The following CLYBL variants were observed in gnomAD, a reference collection of about 807,000 sequenced individuals.
CLYBL encodes citramalyl-CoA lyase.
A neutral mutation model predicts 38.9 loss-of-function variants in CLYBL; 31 were observed. The ratio of observed to expected loss-of-function variants is 0.80; its 90% confidence interval spans 0.60 to 1.08. The LOEUF is 1.08. Ranked by LOEUF, CLYBL falls within the 50% of genes least tolerant of loss-of-function variation. The pLI is 0.00. For synonymous variants in CLYBL, 171 were observed against 158.6 expected (o/e 1.08, Z -0.59); for missense variants, 434 against 411.6 (o/e 1.05, Z -0.47).
intron 2 of CLYBL, among the ~76,000 whole-genome samples, chr13:99,800,366 C>T (rs752215095): frequency 2.0e-5 from 3 of 152,156 alleles, no homozygotes; most frequent in Non-Finnish European, 4.4e-5. Flanking sequence ...GTGAGATTGG[C>T]GCTGCTGCTG....
intron 1 of CLYBL, among the ~76,000 whole-genome samples, chr13:99,688,711 T>A (rs2047855363): frequency 6.6e-6 from 1 of 152,060 alleles, no homozygotes; most frequent in African/African-American, 2.4e-5. Context: ...TCCTTATATC[T>A]CTTCCAGCTC....
At chr13:99,661,466 C>T (rs184651357) in intron 1 of CLYBL, among the ~76,000 whole-genome samples, 22 of 152,232 alleles carry the variant, frequency 1.4e-4, no homozygotes, top group Admixed American at 4.6e-4. Context: ...TTCTGTCAGA[C>T]GAGTTATTCA....
At chr13:99,708,342 C>G (rs946008000) in intron 1 of CLYBL, among the ~76,000 whole-genome samples, 2 of 152,172 alleles carry the variant, frequency 1.3e-5, no homozygotes, top group Admixed American at 6.5e-5. Flanking sequence ...AGTCATCCAC[C>G]TAATTTGTTT....
intron 1 of CLYBL, among the ~76,000 whole-genome samples, chr13:99,689,537 G>C (rs1007543283): frequency 6.6e-6 from 1 of 152,226 alleles, no homozygotes; most frequent in African/African-American, 2.4e-5. Flanking sequence ...AGCAATGAAG[G>C]AGCATGATTG....
chr13:99,836,482 G>A (rs1171467776), intron 2 of CLYBL, among the ~76,000 whole-genome samples: 2 of 152,158 alleles, frequency 1.3e-5, no homozygotes, highest in Admixed American at 6.5e-5. Context: ...AAATAGGCCC[G>A]CACCAAATGC....
At chr13:99,653,871 G>A (rs2047290369) in intron 1 of CLYBL, among the ~76,000 whole-genome samples, 1 of 152,114 alleles carries the variant, frequency 6.6e-6, no homozygotes, top group Non-Finnish European at 1.5e-5. Flanking sequence ...CCATAACTAG[G>A]ATATAAGTGA....
chr13:99,895,292 A>C (rs939870111), downstream of CLYBL: 13 of 152,192 alleles, frequency 8.5e-5, no homozygotes, highest in East Asian at 5.8e-4. Context: ...ATTTCGGTTT[A>C]CCTTGGAAAA....
chr13:99,818,358 T>A (rs2139018112), intron 2 of CLYBL, among the ~76,000 whole-genome samples: 1 of 152,126 alleles, frequency 6.6e-6, no homozygotes, highest in South Asian at 2.1e-4. Flanking sequence ...TCGGGTTGAT[T>A]GTTAATAGAG....
At chr13:99,777,740 A>G (rs2049552782) in intron 2 of CLYBL, among the ~76,000 whole-genome samples, 1 of 151,878 alleles carries the variant, frequency 6.6e-6, no homozygotes, top group Non-Finnish European at 1.5e-5. Flanking sequence ...TGATCTGCCC[A>G]CCTCAGCCTC....
intron 9 of CLYBL, among the ~76,000 whole-genome samples, chr13:99,906,058 G>T (rs922796770): frequency 2.0e-5 from 3 of 152,226 alleles, no homozygotes; most frequent in Admixed American, 1.3e-4. Context: ...ACAGGCATGA[G>T]CCATGACACT....
chr13:99,716,169 ATTTTTTTTTTTTTTTTTTTTTTTT>A (rs4001024), intron 1 of CLYBL, among the ~76,000 whole-genome samples: 6 of 33,466 alleles, frequency 1.8e-4, no homozygotes, highest in South Asian at 2.0e-3. Flanking sequence ...TATTGGTGTA[ATTTTTTTTTTTTTTTTTTTTTTTT>A]TTTTTTTTTT....
At chr13:99,612,134 A>G (rs2046634892) in intron 1 of CLYBL, among the ~76,000 whole-genome samples, 1 of 152,000 alleles carries the variant, frequency 6.6e-6, no homozygotes, top group Non-Finnish European at 1.5e-5. Flanking sequence ...ATCCATAGTG[A>G]TGTGTCCTTC....
At chr13:99,675,163 T>C (rs1434155342) in intron 1 of CLYBL, among the ~76,000 whole-genome samples, 2 of 152,190 alleles carry the variant, frequency 1.3e-5, no homozygotes, top group African/African-American at 4.8e-5. Flanking sequence ...ATTCCTCCTC[T>C]TCAGGGGCAG....
chr13:99,864,424 T>C (rs1435659967), intron 4 of CLYBL, among the ~76,000 whole-genome samples: 1 of 152,212 alleles, frequency 6.6e-6, no homozygotes, highest in Non-Finnish European at 1.5e-5. Context: ...CTAATGCAAA[T>C]AATTCAATTA....
At chr13:99,707,856 A>T (rs988170162) in intron 1 of CLYBL, among the ~76,000 whole-genome samples, 21 of 152,322 alleles carry the variant, frequency 1.4e-4, no homozygotes, top group African/African-American at 4.3e-4. Flanking sequence ...AGCACAAATC[A>T]TGAATGCCTG....
At chr13:99,710,234 G>A (rs1037573071) in intron 1 of CLYBL, among the ~76,000 whole-genome samples, 9 of 152,228 alleles carry the variant, frequency 5.9e-5, no homozygotes, top group South Asian at 2.1e-4. Flanking sequence ...TTTTTAAATG[G>A]TGACTTGTGT....
intron 1 of CLYBL, among the ~76,000 whole-genome samples, chr13:99,672,190 CT>C (rs67915750): frequency 0.29 from 41,618 of 144,692 alleles, 6,839 homozygotes; most frequent in East Asian, 0.56. Context: ...TCGGGAATTT[CT>C]TTTTTTTTTT....
At chr13:99,810,436 G>A (rs1424485476) in intron 2 of CLYBL, among the ~76,000 whole-genome samples, 13 of 152,200 alleles carry the variant, frequency 8.5e-5, no homozygotes, top group Admixed American at 8.5e-4. Flanking sequence ...AGCAGAGAGA[G>A]AGGCTGTGGG....
intron 1 of CLYBL, among the ~76,000 whole-genome samples, chr13:99,656,247 AGG>A (rs1209757374): frequency 6.6e-6 from 1 of 152,128 alleles, no homozygotes; most frequent in Non-Finnish European, 1.5e-5. Context: ...CCCAGACCTT[AGG>A]GTGGCGTGTT....
Sources: allele counts gnomAD v4.1 joint callset (sites outside exome capture counted in the v4.1 genomes callset), GRCh38; gene constraint gnomAD v4.1.1; transcripts MANE v1.5; gene names NCBI Gene and HGNC (gene_info 2026-07-23, HGNC 2026-07-21).